Variants in GTF2F2 observed in about 807,000 individuals in gnomAD.
The protein encoded by GTF2F2 is general transcription factor IIF subunit 2, also known as ATP-dependent helicase GTF2F2.
A neutral mutation model predicts 42.2 loss-of-function variants in GTF2F2; 23 were observed. That is an observed-to-expected ratio of 0.55 (90% CI 0.39 to 0.77). The LOEUF is 0.77. Among genes scored for constraint, GTF2F2 ranks in the 30% least tolerant of loss-of-function variants. The pLI is 0.00. For missense variants in GTF2F2, 261 were observed against 287.2 expected, an observed-to-expected ratio of 0.91 and a Z score of 0.66; for synonymous variants, 105 against 100.8, an observed-to-expected ratio of 1.04 and a Z score of -0.25.
At chr13:45,245,953 A>G (rs1875579071) in intron 5 of GTF2F2, among the ~76,000 whole-genome samples, 1 of 149,280 alleles carries the variant, frequency 6.7e-6, no homozygotes, top group African/African-American at 2.4e-5. Flanking sequence ...AAAAAAAAAA[A>G]AAAGTATTCC....
At chr13:45,160,349 A>G (rs1472670010) in intron 4 of GTF2F2, among the ~76,000 whole-genome samples, 1 of 152,206 alleles carries the variant, frequency 6.6e-6, no homozygotes, top group African/African-American at 2.4e-5. Flanking sequence ...GCATTTTCAG[A>G]TAGTTGTGGA....
chr13:45,264,613 T>TA (rs1407383592), intron 6 of GTF2F2, among the ~76,000 whole-genome samples: 1 of 152,190 alleles, frequency 6.6e-6, no homozygotes, highest in Non-Finnish European at 1.5e-5. Context: ...GTAATTTTCT[T>TA]ACTACTCATT....
chr13:45,194,515 T>G, intron 4 of GTF2F2: 1 of 1,614,154 alleles, frequency 6.2e-7, no homozygotes, highest in South Asian at 1.1e-5. Context: ...CAGGCTGTTG[T>G]GTTTCCCTTC....
intron 4 of GTF2F2, among the ~76,000 whole-genome samples, chr13:45,191,216 A>C: frequency 1.9e-5 from 1 of 52,608 alleles, no homozygotes; most frequent in East Asian, 3.9e-4. Flanking sequence ...CTAAAAATAC[A>C]AAAAAAAAAT....
intron 4 of GTF2F2, among the ~76,000 whole-genome samples, chr13:45,173,944 A>G (rs947819497): frequency 6.6e-6 from 1 of 152,168 alleles, no homozygotes; most frequent in African/African-American, 2.4e-5. Flanking sequence ...AAAGTGTCGT[A>G]TAACTGTTAT....
intron 5 of GTF2F2, among the ~76,000 whole-genome samples, chr13:45,213,410 G>A (rs1873775040): frequency 6.6e-6 from 1 of 151,998 alleles, no homozygotes. Context: ...TACCTCCTAC[G>A]GAGATCTTTC....
At chr13:45,208,575 A>G (rs945159314) in intron 5 of GTF2F2, among the ~76,000 whole-genome samples, 1 of 152,222 alleles carries the variant, frequency 6.6e-6, no homozygotes, top group African/African-American at 2.4e-5. Flanking sequence ...TTGTAGGTAC[A>G]CTGAATCGGT....
chr13:45,251,601 C>CT (rs546041852), intron 5 of GTF2F2, among the ~76,000 whole-genome samples: 62 of 147,878 alleles, frequency 4.2e-4, no homozygotes, highest in South Asian at 3.6e-3. Flanking sequence ...AAAAAACTGC[C>CT]TTTTTTTTTT....
intron 6 of GTF2F2, among the ~76,000 whole-genome samples, chr13:45,254,288 A>G (rs982433419): frequency 2.0e-5 from 3 of 152,186 alleles, no homozygotes; most frequent in African/African-American, 4.8e-5. Context: ...ACCATAATAT[A>G]TAGAGTTTGG....
chr13:45,216,706 A>T, intron 5 of GTF2F2, among the ~76,000 whole-genome samples: 1 of 151,736 alleles, frequency 6.6e-6, no homozygotes, highest in East Asian at 2.0e-4. Context: ...TTTAGTGGGG[A>T]CAGGATTGCT....
At chr13:45,255,686 A>G (rs532646024) in intron 6 of GTF2F2, among the ~76,000 whole-genome samples, 10 of 152,342 alleles carry the variant, frequency 6.6e-5, no homozygotes, top group South Asian at 4.1e-4. Context: ...TAGAGATTCT[A>G]TTCTACTTTG....
At chr13:45,283,381 T>C in intron 7 of GTF2F2, 61 bp from the exon 8 acceptor site, 1 of 1,476,056 alleles carries the variant, frequency 6.8e-7, no homozygotes, top group East Asian at 2.3e-5. Context: ...TATCATCTTA[T>C]TTTAAGTTTT....
intron 5 of GTF2F2, among the ~76,000 whole-genome samples, chr13:45,213,385 C>T (rs1873773473): frequency 6.6e-6 from 1 of 152,022 alleles, no homozygotes; most frequent in Admixed American, 6.6e-5. Context: ...CAGCTTCTAC[C>T]TAGGATTTCT....
intron 1 of GTF2F2, among the ~76,000 whole-genome samples, chr13:45,122,729 G>A (rs1416752467): frequency 6.6e-6 from 1 of 152,124 alleles, no homozygotes; most frequent in Non-Finnish European, 1.5e-5. Flanking sequence ...AGTACATATT[G>A]ATTTCAAGTT....
intron 3 of GTF2F2, 118 bp downstream of exon 3, chr13:45,149,906 T>C: frequency 1.1e-6 from 1 of 928,974 alleles, no homozygotes; most frequent in Non-Finnish European, 1.5e-6. Flanking sequence ...GGCTGATGGT[T>C]AAGAACACAT....
At chr13:45,183,877 A>G (rs1872282153) in intron 4 of GTF2F2, among the ~76,000 whole-genome samples, 1 of 151,332 alleles carries the variant, frequency 6.6e-6, no homozygotes, top group South Asian at 2.1e-4. Context: ...CTTTTTTGAG[A>G]CAGAGTCTTT....
Position 45,151,752 on chromosome 13 carries a change from C to T in GTF2F2, c.225C>T (p.Val75=). ...IHDIGGKPAS[V]SAPREHPFVL... is the part of the protein sequence containing the mutation. ...ATATTGGTGGAAAACCAGCTTCAGT[C>T]AGTGCTCCTAGAGAACATCCATTTG... is the stretch of plus-strand genomic sequence containing the variant. The change falls in exon 4 of 8, where the codon GTC becomes GTT. Residue 75 remains valine, a synonymous_variant. Coordinates refer to ENST00000340473, the MANE Select transcript of GTF2F2 (RefSeq NM_004128.3). The T allele has an allele frequency of 6.3e-7, 1 of 1,598,258 alleles. No individual in the cohort carries two copies. Among genetic ancestry groups the T allele is most frequent in the Admixed American group, 1.7e-5 (1 of 59,130 alleles).
chr13:45,131,580 A>T (rs1869350916), intron 1 of GTF2F2, among the ~76,000 whole-genome samples: 1 of 152,074 alleles, frequency 6.6e-6, no homozygotes, highest in Non-Finnish European at 1.5e-5. Context: ...GACAGCTGGC[A>T]TAGAGAACTC....
rs548671277 is a variant in GTF2F2, at chr13:45,196,758, T to C, written c.305-10666T>C. ...CTGCTTCCTTACACCCTGTTTGGCC[T>C]GTCTATAGATGTCTTCATGGGAAGC... is the stretch of plus-strand genomic sequence containing the variant. On this transcript the variant is annotated intron_variant, in intron 4 of 7. Coordinates refer to ENST00000340473, the MANE Select transcript of GTF2F2 (RefSeq NM_004128.3). Among the ~76,000 whole-genome samples, 3 of 152,314 alleles carry C rather than the reference T, an allele frequency of 2.0e-5. No individual in the cohort carries two copies. In the South Asian group the frequency reaches 6.2e-4, roughly 32 times the overall value.
Sources: allele counts gnomAD v4.1 joint callset (sites outside exome capture counted in the v4.1 genomes callset), GRCh38; gene constraint gnomAD v4.1.1; transcripts MANE v1.5; gene names NCBI Gene and HGNC (gene_info 2026-07-23, HGNC 2026-07-21).